Variants in DOCK7 observed in about 807,000 individuals in gnomAD.
The protein encoded by DOCK7 is dedicator of cytokinesis 7.
In DOCK7, 138 loss-of-function variants were observed where a neutral mutation model predicts 271.0. The observed-to-expected ratio is 0.51, with a 90% CI of 0.44 to 0.59. The LOEUF (loss-of-function observed/expected upper bound fraction) is 0.59, where lower values mean the gene tolerates loss of function less well. DOCK7 is among the 20% of genes least tolerant of loss of function. The pLI, the probability that DOCK7 is intolerant of heterozygous loss-of-function variation, is 0.00. For missense variants in DOCK7, 2,066 were observed against 2,592.4 expected, an observed-to-expected ratio of 0.80 and a Z score of 4.41; for synonymous variants, 823 against 876.1, an observed-to-expected ratio of 0.94 and a Z score of 1.07.
intron 1 of DOCK7, among the ~76,000 whole-genome samples, chr1:62,673,761 C>T (rs1428653891): frequency 1.3e-5 from 2 of 152,154 alleles, no homozygotes; most frequent in Non-Finnish European, 2.9e-5. Flanking sequence ...TTGTCCCCAC[C>T]TTTCCTTTTT....
intron 48 of DOCK7, chr1:62,459,035 T>A (rs2149223303): frequency 6.6e-6 from 1 of 151,824 alleles, no homozygotes; most frequent in East Asian, 1.9e-4. Flanking sequence ...AACTGAAGAG[T>A]TAAGCAACTT....
chr1:62,663,394 C>T (rs1658910412), intron 1 of DOCK7, among the ~76,000 whole-genome samples: 1 of 152,094 alleles, frequency 6.6e-6, no homozygotes, highest in African/African-American at 2.4e-5. Context: ...TTTTAGGGAA[C>T]ACACTTTGGC....
intron 49 of DOCK7, among the ~76,000 whole-genome samples, chr1:62,455,940 T>C (rs552121965): frequency 2.0e-5 from 3 of 152,150 alleles, no homozygotes; most frequent in Non-Finnish European, 4.4e-5. Context: ...AAGAACATCT[T>C]AAGTTACTAT....
chr1:62,580,109 C>T (rs1435310097), intron 16 of DOCK7, among the ~76,000 whole-genome samples: 1 of 152,122 alleles, frequency 6.6e-6, no homozygotes, highest in Non-Finnish European at 1.5e-5. Flanking sequence ...CCATATTGCT[C>T]CAACTATCTT....
intron 14 of DOCK7, among the ~76,000 whole-genome samples, chr1:62,615,701 T>G (rs1361100719): frequency 1.3e-5 from 2 of 151,754 alleles, no homozygotes; most frequent in Non-Finnish European, 3.0e-5. Context: ...AAAATGGTTA[T>G]TCTATAAACA....
chr1:62,566,613 T>C (rs1012958065), intron 18 of DOCK7, among the ~76,000 whole-genome samples: 5 of 152,062 alleles, frequency 3.3e-5, no homozygotes, highest in African/African-American at 1.2e-4. Context: ...ACCTAGGCAA[T>C]ACCATTCAGG....
chr1:62,671,804 AT>A lies in DOCK7; in HGVS notation c.39-8675del, dbSNP rs57780278. Among the ~76,000 whole-genome samples the A allele has an allele frequency of 8.8e-3, 1,332 of 152,200 alleles. 24 individuals carry two copies. The highest frequency in any genetic ancestry group is 0.03 in the African/African-American group (1,261 of 41,542). ...TCTGTATGAAACTTTTTTAAAAACA[AT>A]TTTTTTAACAGGATATATAATTTGT... On this transcript the variant is annotated intron_variant, in intron 1 of 49. Transcript: ENST00000635253.
intron 2 of DOCK7, 45 bp downstream of exon 2, chr1:62,662,980 C>T (rs938451773): frequency 3.4e-6 from 5 of 1,470,608 alleles, no homozygotes; most frequent in Non-Finnish European, 3.8e-6. Flanking sequence ...ATGGCCTAGT[C>T]AATCATACAC....
At position 62,633,551 on chromosome 1, in the gene DOCK7, T is replaced by C. The variant is rs1654883837; in HGVS notation, c.1063A>G (p.Ile355Val). 6.2e-6 allele frequency: 10 copies of C among 1,613,374 alleles called. No homozygotes were observed. Among genetic ancestry groups the C allele is most frequent in the South Asian group, 1.1e-5 (1 of 90,998 alleles). ...ATATATGGTTCTGCACACTCTCCAA[T>C]GTCTCCTTGCTGTAGGACTTTTTCT... Reference protein sequence around the residue: ...KLEKVLQQGDIGECAEPYMIF... With the variant: ...KLEKVLQQGDVGECAEPYMIF... Residue 355 changes from isoleucine to valine, a missense_variant, in exon 10 of 50, where the codon ATT becomes GTT. Transcript: ENST00000635253.
intron 1 of DOCK7, among the ~76,000 whole-genome samples, chr1:62,685,699 C>T (rs1000213930): frequency 2.0e-5 from 3 of 152,180 alleles, no homozygotes; most frequent in African/African-American, 4.8e-5. Context: ...AAAACTGAAT[C>T]ATCATCTCCA....
intron 12 of DOCK7, 111 bp downstream of exon 12, chr1:62,625,148 G>T: frequency 1.1e-6 from 1 of 933,594 alleles, no homozygotes; most frequent in Non-Finnish European, 1.5e-6. Flanking sequence ...AAGTTTTTAA[G>T]TTTCTTGGAA....
intron 16 of DOCK7, among the ~76,000 whole-genome samples, chr1:62,582,810 T>C (rs866663666): frequency 2.0e-5 from 3 of 152,162 alleles, no homozygotes; most frequent in South Asian, 2.1e-4. Context: ...AAAGAATTAA[T>C]GGATACTGGT....
At chr1:62,555,080 T>C (rs1237620208) in intron 21 of DOCK7, among the ~76,000 whole-genome samples, 1 of 152,216 alleles carries the variant, frequency 6.6e-6, no homozygotes, top group African/African-American at 2.4e-5. Flanking sequence ...AATCATTAGT[T>C]AGTTAAATGA....
At chr1:62,687,543 G>C (rs367723878) in intron 1 of DOCK7, 4 of 152,392 alleles carry the variant, frequency 2.6e-5, no homozygotes, top group African/African-American at 9.6e-5. Flanking sequence ...ACAAGCTTCA[G>C]CCTGCAATCC....
chr1:62,654,351 T>G (rs1202384069), intron 2 of DOCK7, among the ~76,000 whole-genome samples, 192 bp from the exon 3 acceptor site: 1 of 152,226 alleles, frequency 6.6e-6, no homozygotes, highest in Non-Finnish European at 1.5e-5. Flanking sequence ...CTTGATGTTT[T>G]GGGTCATACT....
At chr1:62,475,451 G>T in intron 46 of DOCK7, 100 bp from the exon 47 acceptor site, 4 of 1,359,894 alleles carry the variant, frequency 2.9e-6, no homozygotes, top group Non-Finnish European at 4.0e-6. Flanking sequence ...AAGATCAATT[G>T]TAAACTTTCA....
chr1:62,541,494 C>T (rs185445410), intron 25 of DOCK7, among the ~76,000 whole-genome samples: 2 of 152,272 alleles, frequency 1.3e-5, no homozygotes, highest in East Asian at 3.9e-4. Context: ...TCCTCTTCAG[C>T]CTATTCAATG....
At chr1:62,626,962 C>T (rs1292397211) in intron 11 of DOCK7, among the ~76,000 whole-genome samples, 1 of 152,008 alleles carries the variant, frequency 6.6e-6, no homozygotes, top group Non-Finnish European at 1.5e-5. Context: ...ACTAATATAC[C>T]TTATGAATAT....
At chr1:62,517,760 G>A (rs1407965722) in intron 31 of DOCK7, among the ~76,000 whole-genome samples, 1 of 152,046 alleles carries the variant, frequency 6.6e-6, no homozygotes, top group Non-Finnish European at 1.5e-5. Context: ...TTGCTAGAAG[G>A]AATATATATT....
Sources: allele counts gnomAD v4.1 joint callset (sites outside exome capture counted in the v4.1 genomes callset), GRCh38; gene constraint gnomAD v4.1.1; transcripts MANE v1.5; gene names NCBI Gene and HGNC (gene_info 2026-07-23, HGNC 2026-07-21).